The following SH2D1B variants were observed in gnomAD, a reference collection of about 807,000 sequenced individuals.
SH2D1B encodes the protein SH2 domain containing 1B.
In SH2D1B, 11 loss-of-function variants were observed where a neutral mutation model predicts 16.3. The ratio of observed to expected loss-of-function variants is 0.67; its 90% CI spans 0.42 to 1.11. The LOEUF is 1.11. Among genes scored for constraint, SH2D1B ranks in the 50% most tolerant of loss-of-function variants. SH2D1B has a pLI of 0.00. For synonymous variants in SH2D1B, 55 were observed against 56.1 expected (o/e 0.98, Z 0.09); for missense variants, 123 against 153.1 (o/e 0.80, Z 1.04).
chr1:162,411,755 TCTCATTCTA>T, intron 1 of SH2D1B, 119 bp downstream of exon 1: 1 of 1,265,094 alleles, frequency 7.9e-7, no homozygotes, highest in South Asian at 1.4e-5. Context: ...GTCCATTACT[TCTCATTCTA>T]CTCATTGAGA....
chr1:162,405,357 G>A (rs973130632), intron 1 of SH2D1B, among the ~76,000 whole-genome samples: 27 of 152,120 alleles, frequency 1.8e-4, no homozygotes, highest in South Asian at 4.1e-4. Flanking sequence ...GGCTGTGTTC[G>A]TTTCATAAGT....
At chr1:162,410,005 TA>T (rs1648755405) in intron 1 of SH2D1B, among the ~76,000 whole-genome samples, 1 of 152,276 alleles carries the variant, frequency 6.6e-6, no homozygotes, top group Non-Finnish European at 1.5e-5. Flanking sequence ...CTTTTGTCTA[TA>T]ATCAGACTTC....
chr1:162,411,571 CCT>C (rs1648796540), intron 1 of SH2D1B, among the ~76,000 whole-genome samples: 1 of 152,162 alleles, frequency 6.6e-6, no homozygotes, highest in African/African-American at 2.4e-5. Flanking sequence ...GAGGACAGGA[CCT>C]CTGACATTTG....
intron 1 of SH2D1B, among the ~76,000 whole-genome samples, chr1:162,411,033 G>A (rs577919617): frequency 6.6e-6 from 1 of 151,916 alleles, no homozygotes; most frequent in East Asian, 1.9e-4. Flanking sequence ...TCAGCTCACT[G>A]CAGCCTCTGC....
In SH2D1B at chr1:162,397,177, T is replaced by C; in HGVS notation, c.*103A>G. ...GTTACACAACCAGGAGAGTCTGAAT[T>C]GTCCACTAGAGTTTGGTGCTCTGGA... On this transcript the variant is annotated 3_prime_UTR_variant, in exon 4 of 4. Coordinates refer to ENST00000367929, the MANE Select transcript of SH2D1B (RefSeq NM_053282.5). 4.0e-6 allele frequency: 5 copies of C among 1,257,930 alleles called. No individual in the cohort carries two copies. Among genetic ancestry groups the C allele is most frequent in the Non-Finnish European group, 5.8e-6 (5 of 863,920 alleles). The allele number at this position is 1,257,930 out of a possible 1,614,324, so 77.9% of individuals were successfully genotyped here.
Position 162,411,935 on chromosome 1 carries a change from A to G in SH2D1B, c.82T>C (p.Phe28Leu), listed in dbSNP as rs780863647. 6.2e-7 allele frequency: 1 copy of G among 1,614,196 alleles called. No individual in the cohort carries two copies. Among genetic ancestry groups the G allele is most frequent in the Admixed American group, 1.7e-5 (1 of 60,030 alleles). ...ATCGACTCGCTGTCTCTTAAAAGAA[A>G]GTTGCCATCCACCCCTTCCTTGAGC... ...LLLKEGVDGN[F>L]LLRDSESIPG... Residue 28 changes from phenylalanine (F) to leucine (L), a missense_variant, in exon 1 of 4, where the codon TTT (phenylalanine) becomes CTT (leucine). Phe to Leu is a conservative substitution (Grantham distance 22). Coordinates refer to ENST00000367929, the MANE Select transcript of SH2D1B (RefSeq NM_053282.5).
At position 162,412,018 on chromosome 1, in the gene SH2D1B, G is replaced by C; in HGVS notation, c.-2C>G. The C allele has an allele frequency of 6.2e-7, 1 of 1,614,072 alleles. No homozygotes were observed. Among genetic ancestry groups the C allele is most frequent in the Non-Finnish European group, 8.5e-7 (1 of 1,179,992 alleles). On this transcript the variant is annotated 5_prime_UTR_variant, in exon 1 of 4. Transcript: ENST00000367929. Reference sequence around the variant, plus strand: ...TCCATGGTAGTAAGGCAGATCCATGGAGAACGCTCTTGTATCCCAGGAAGC... The same window carrying C: ...TCCATGGTAGTAAGGCAGATCCATGCAGAACGCTCTTGTATCCCAGGAAGC...
chr1:162,398,453 C>T (rs538549683), intron 3 of SH2D1B, among the ~76,000 whole-genome samples: 2 of 152,212 alleles, frequency 1.3e-5, no homozygotes, highest in Non-Finnish European at 2.9e-5. Flanking sequence ...TACTGACCAT[C>T]TCTCATTTTC....
At position 162,397,182 on chromosome 1, in the gene SH2D1B, A is replaced by G. The variant is rs1648398089; in HGVS notation, c.*98T>C. The G allele has an allele frequency of 3.0e-6, 4 of 1,334,096 alleles. No homozygotes were observed. Among genetic ancestry groups the G allele is most frequent in the South Asian group, 1.2e-5 (1 of 84,218 alleles). 82.6% of individuals were successfully genotyped at this position (1,334,096 alleles called of 1,614,324 possible). On this transcript the variant is annotated 3_prime_UTR_variant, in exon 4 of 4. Transcript: ENST00000367929. ...ACAACCAGGAGAGTCTGAATTGTCC[A>G]CTAGAGTTTGGTGCTCTGGACCTAT...
At chr1:162,403,508 AAAAATAT>A (rs1324726831) in intron 1 of SH2D1B, among the ~76,000 whole-genome samples, 10 of 20,344 alleles carry the variant, frequency 4.9e-4, no homozygotes, top group South Asian at 2.4e-3. Flanking sequence ...AAAAAAAAAA[AAAAATAT>A]ATATATATAT....
intron 1 of SH2D1B, among the ~76,000 whole-genome samples, chr1:162,405,681 G>A (rs351451): frequency 0.84 from 128,261 of 152,218 alleles, 54,313 homozygotes; most frequent in Middle Eastern, 0.9. Context: ...TATGGAAATC[G>A]TTGTCGTCAT....
rs571181993 is a variant in SH2D1B at position 162,396,233 on chromosome 1, A to ATAGG, written c.*1043_*1046dup. 1.0e-3 allele frequency: 159 copies of ATAGG among 152,350 alleles called. No individual in the cohort carries two copies. Among genetic ancestry groups the ATAGG allele is most frequent in the African/African-American group, 3.8e-3 (156 of 41,590 alleles). The allele number at this position is 152,350 out of a possible 1,614,324, so 9.4% of individuals were successfully genotyped here. On this transcript the variant is annotated 3_prime_UTR_variant, in exon 4 of 4. Coordinates refer to ENST00000367929, the MANE Select transcript of SH2D1B (RefSeq NM_053282.5). ...TGAAATACATTACTACAATTTGATG[A>ATAGG]TAGGTAAGAGAAAGGGCATAGAATT...
Position 162,412,011 on chromosome 1 carries a change from A to T in SH2D1B, c.6T>A (p.Asp2Glu). The part of the protein sequence containing the change: M[D>E]LPYYHGRLTK... ...TCAGACGTCCATGGTAGTAAGGCAG[A>T]TCCATGGAGAACGCTCTTGTATCCC... Residue 2 changes from aspartate (D) to glutamate (E), a missense_variant, in exon 1 of 4, where the codon GAT becomes GAA. Coordinates refer to ENST00000367929, the MANE Select transcript of SH2D1B (RefSeq NM_053282.5). 6.2e-7 allele frequency: 1 copy of T among 1,614,124 alleles called. No individual in the cohort carries two copies.
At chr1:162,403,504 AAAAAAAAATAT>A (rs1290730523) in intron 1 of SH2D1B, among the ~76,000 whole-genome samples, 56 of 31,748 alleles carry the variant, frequency 1.8e-3, no homozygotes, top group African/African-American at 5.3e-3. Flanking sequence ...AAAAAAAAAA[AAAAAAAAATAT>A]ATATATATAT....
chr1:162,405,816 CTCTA>C (rs895124599), intron 1 of SH2D1B, among the ~76,000 whole-genome samples: 42 of 152,326 alleles, frequency 2.8e-4, no homozygotes, highest in Admixed American at 2.2e-3. Flanking sequence ...AATTGTTTTA[CTCTA>C]TCTATTTAGC....
chr1:162,402,707 G>T, intron 2 of SH2D1B, 32 bp downstream of exon 2: 2 of 1,545,656 alleles, frequency 1.3e-6, no homozygotes, highest in Non-Finnish European at 1.8e-6. Context: ...CAACTTTTGT[G>T]TTGTTGTTGT....
chr1:162,405,302 G>T (rs970550626), intron 1 of SH2D1B, among the ~76,000 whole-genome samples: 1 of 152,174 alleles, frequency 6.6e-6, no homozygotes, highest in African/African-American at 2.4e-5. Context: ...AATTACAAAG[G>T]GGTGCAAGTG....
chr1:162,409,107 TAAAA>T (rs67639233), intron 1 of SH2D1B, among the ~76,000 whole-genome samples: 1 of 141,564 alleles, frequency 7.1e-6, no homozygotes. Flanking sequence ...AGACCCTGTC[TAAAA>T]AAAAAAAAAA....
At chr1:162,403,636 A>G (rs1166293051) in intron 1 of SH2D1B, among the ~76,000 whole-genome samples, 1 of 147,272 alleles carries the variant, frequency 6.8e-6, no homozygotes, top group African/African-American at 2.5e-5. Flanking sequence ...TTTTATTGCA[A>G]TATTAGTCAC....
Sources: allele counts gnomAD v4.1 joint callset (sites outside exome capture counted in the v4.1 genomes callset), GRCh38; gene constraint gnomAD v4.1.1; transcripts MANE v1.5; gene names NCBI Gene and HGNC (gene_info 2026-07-23, HGNC 2026-07-21).